Variants in SEPHS1 observed in about 807,000 individuals in gnomAD.
The protein encoded by SEPHS1 is zincore component SEPHS1.
A neutral mutation model predicts 39.2 loss-of-function variants in SEPHS1; 7 were observed. That is an observed-to-expected ratio of 0.18 (90% CI 0.10 to 0.34). The LOEUF (loss-of-function observed/expected upper bound fraction) is 0.34. SEPHS1 is among the 10% of genes least tolerant of loss of function. The pLI is 1.00. For synonymous variants in SEPHS1, 190 were observed against 195.5 expected (o/e 0.97, Z 0.23); for missense variants, 253 against 514.5 (o/e 0.49, Z 4.92).
intron 2 of SEPHS1, among the ~76,000 whole-genome samples, chr10:13,341,398 T>TC (rs1432214554): frequency 2.6e-5 from 4 of 151,966 alleles, no homozygotes; most frequent in Non-Finnish European, 5.9e-5. Flanking sequence ...ACTGACATCC[T>TC]CCATCAGAAA....
chr10:13,321,880 T>C (rs545745443), intron 8 of SEPHS1, among the ~76,000 whole-genome samples: 1 of 152,038 alleles, frequency 6.6e-6, no homozygotes, highest in Non-Finnish European at 1.5e-5. Flanking sequence ...GCCACCAAAT[T>C]AATCAGGAAA....
chr10:13,331,259 A>C (rs1036776403), intron 5 of SEPHS1, among the ~76,000 whole-genome samples: 1 of 152,192 alleles, frequency 6.6e-6, no homozygotes, highest in Non-Finnish European at 1.5e-5. Flanking sequence ...GTTGGTTCCA[A>C]GTCTTAGCTA....
chr10:13,322,965 C>G lies in SEPHS1; in HGVS notation c.834G>C (p.Leu278=). 1 of 1,614,080 alleles carries G rather than the reference C, an allele frequency of 6.2e-7. No homozygotes were observed. Among genetic ancestry groups the G allele is most frequent in the Non-Finnish European group, 8.5e-7 (1 of 1,179,982 alleles). The change falls in exon 8 of 9, where the codon CTG becomes CTC. Residue 278 remains leucine, a synonymous_variant. Coordinates refer to ENST00000327347, the MANE Select transcript of SEPHS1 (RefSeq NM_012247.5). ...GFGILGHAQN[L]AKQQRNEVSF... is the part of the protein sequence containing the mutation. ...ACACCTCGTTCCTCTGCTGCTTGGCCAGGTTCTGCGCATGGCCCAAAATCC... is the reference window on the plus strand; with the variant it reads ...ACACCTCGTTCCTCTGCTGCTTGGCGAGGTTCTGCGCATGGCCCAAAATCC...
Position 13,318,427 on chromosome 10 carries a change from A to T in SEPHS1, c.*715T>A, listed in dbSNP as rs771053681. 1 of 152,656 alleles carries T rather than the reference A, an allele frequency of 6.6e-6. No individual in the cohort carries two copies. Among genetic ancestry groups the T allele is most frequent in the Admixed American group, 6.5e-5 (1 of 15,280 alleles). 9.5% of individuals were successfully genotyped at this position (152,656 alleles called of 1,614,324 possible). A position where few individuals can be genotyped will look rare whatever the true frequency, so the allele number is the denominator to read the frequency against. Reference sequence around the variant, plus strand: ...TCCTTGTAGCACTATAGAACATCTAATAACATTGCAAAAAGTATCCTTTTT... The same window carrying T: ...TCCTTGTAGCACTATAGAACATCTATTAACATTGCAAAAAGTATCCTTTTT... On this transcript the variant is annotated 3_prime_UTR_variant, in exon 9 of 9. Transcript: ENST00000327347.
At chr10:13,331,817 C>A (rs1478941940) in intron 5 of SEPHS1, among the ~76,000 whole-genome samples, 1 of 152,216 alleles carries the variant, frequency 6.6e-6, no homozygotes, top group African/African-American at 2.4e-5. Context: ...AGTCATCAGG[C>A]AGACACAAAT....
intron 3 of SEPHS1, among the ~76,000 whole-genome samples, chr10:13,337,070 G>T (rs1166668984): frequency 6.6e-6 from 1 of 152,164 alleles, no homozygotes; most frequent in Non-Finnish European, 1.5e-5. Flanking sequence ...AGAATTGCTT[G>T]AACCTGGGAG....
At position 13,322,860 on chromosome 10, in the gene SEPHS1, C is replaced by T; in HGVS notation, c.939G>A (p.Met313Ile). The T allele has an allele frequency of 2.5e-6, 4 of 1,613,884 alleles. No homozygotes were observed. Among genetic ancestry groups the T allele is most frequent in the South Asian group, 1.1e-5 (1 of 91,072 alleles). The change falls in exon 8 of 9, where the codon ATG becomes ATA. Residue 313 changes from methionine to isoleucine, a missense_variant. By Grantham distance (10) the Met-to-Ile change is conservative. This residue lies in a region of SEPHS1 where 107 missense variants were observed against 257.1 expected (regional missense o/e 0.42). Coordinates refer to ENST00000327347, the MANE Select transcript of SEPHS1 (RefSeq NM_012247.5). ...SKACGNMFGL[M>I]HGTCPETSGG... ...CTGAAGTCTCCGGGCAGGTCCCGTG[C>T]ATGAGGCCGAACATGTTTCCGCAGG...
At position 13,333,135 on chromosome 10, in the gene SEPHS1, AT is replaced by A. The variant is rs552621122; in HGVS notation, c.560+681del. 5.5e-3 allele frequency among the ~76,000 whole-genome samples: 788 copies of A among 142,670 alleles called. 3 individuals are homozygous for A. The highest frequency in any genetic ancestry group is 0.013 in the African/African-American group (500 of 39,664). 93.6% of individuals were successfully genotyped at this position (142,670 alleles called of 152,430 possible). The stretch of plus-strand genomic sequence containing the variant: ...ACGCAAATTATATCTTAATACATCT[AT>A]TTTTTTTTTTTTTTGAGATGGAGTT... On this transcript the variant is annotated intron_variant, in intron 5 of 8. Coordinates refer to ENST00000327347, the MANE Select transcript of SEPHS1 (RefSeq NM_012247.5).
chr10:13,336,409 G>T, intron 3 of SEPHS1, 59 bp from the exon 4 acceptor site: 1 of 1,279,840 alleles, frequency 7.8e-7, no homozygotes, highest in Non-Finnish European at 1.1e-6. Flanking sequence ...TGCAGAAACT[G>T]AGTGAGCCAT....
chr10:13,341,210 C>G (rs1180440368), intron 2 of SEPHS1, among the ~76,000 whole-genome samples: 1 of 152,070 alleles, frequency 6.6e-6, no homozygotes, highest in East Asian at 1.9e-4. Context: ...CTGAGATGCC[C>G]ACAGGCCTTG....
In SEPHS1 at chr10:13,317,853, A is replaced by G. The variant is rs1211420396; in HGVS notation, c.*1289T>C. 2.6e-5 allele frequency: 4 copies of G among 152,210 alleles called. No individual in the cohort carries two copies. Among genetic ancestry groups the G allele is most frequent in the African/African-American group, 9.6e-5 (4 of 41,462 alleles). The allele number at this position is 152,210 out of a possible 1,614,324, so 9.4% of individuals were successfully genotyped here. The stretch of plus-strand genomic sequence containing the variant: ...ATCCCTCCTCATTGCTTAGTAGGTT[A>G]AAATATAAGGAAGCCTCCACTTTAC... On this transcript the variant is annotated 3_prime_UTR_variant, in exon 9 of 9. Transcript: ENST00000327347.
At chr10:13,320,111 A>T (rs1341633930) in intron 8 of SEPHS1, among the ~76,000 whole-genome samples, 1 of 152,196 alleles carries the variant, frequency 6.6e-6, no homozygotes, top group Non-Finnish European at 1.5e-5. Context: ...TGACTCTGTC[A>T]TTATATCCAA....
intron 2 of SEPHS1, among the ~76,000 whole-genome samples, chr10:13,341,460 C>T (rs1833782276): frequency 6.6e-6 from 1 of 151,906 alleles, no homozygotes; most frequent in Non-Finnish European, 1.5e-5. Flanking sequence ...GCACCGCCCC[C>T]GCCAGCAGCA....
rs914061314 is a variant in SEPHS1 at position 13,328,392 on chromosome 10, T to C, written c.710A>G (p.Tyr237Cys). The change falls in exon 7 of 9, where the codon TAC (tyrosine) becomes TGC (cysteine). Residue 237 changes from tyrosine (Y) to cysteine (C), a missense_variant. Coordinates refer to ENST00000327347, the MANE Select transcript of SEPHS1 (RefSeq NM_012247.5). ...VVTQEDVELA[Y>C]QEAMMNMARL... Reference sequence around the variant, plus strand: ...CGCCATGTTCATCATCGCCTCCTGGTAGGCCAGCTCTACATCTTCTTGGGT... The same window carrying C: ...CGCCATGTTCATCATCGCCTCCTGGCAGGCCAGCTCTACATCTTCTTGGGT... The C allele has an allele frequency of 9.3e-6, 15 of 1,613,894 alleles. No homozygotes were observed. Among genetic ancestry groups the C allele is most frequent in the Non-Finnish European group, 1.0e-5 (12 of 1,179,906 alleles).
At chr10:13,325,346 T>G (rs117140121) in intron 7 of SEPHS1, among the ~76,000 whole-genome samples, 5,319 of 152,282 alleles carry the variant, frequency 0.035, 135 homozygotes, top group East Asian at 0.082. Context: ...AAATCTCATC[T>G]CGAATTGTAA....
At chr10:13,344,035 A>G (rs904584566) in intron 2 of SEPHS1, among the ~76,000 whole-genome samples, 10 of 152,174 alleles carry the variant, frequency 6.6e-5, no homozygotes, top group African/African-American at 2.4e-4. Context: ...GGAATGTAGT[A>G]AAGAAAAAGA....
At chr10:13,333,415 G>A (rs559233421) in intron 5 of SEPHS1, among the ~76,000 whole-genome samples, 206 of 150,170 alleles carry the variant, frequency 1.4e-3, no homozygotes, top group African/African-American at 4.7e-3. Context: ...TTACAGGCAT[G>A]AGCAACCGCG....
chr10:13,328,280 T>C (rs964515628), intron 7 of SEPHS1, 71 bp downstream of exon 7: 1 of 1,061,576 alleles, frequency 9.4e-7, no homozygotes, highest in South Asian at 1.4e-5. Context: ...AGACAGTATG[T>C]GGCCAGAAAA....
At chr10:13,345,408 C>T (rs1322342073) in intron 1 of SEPHS1, 2 of 154,830 alleles carry the variant, frequency 1.3e-5, no homozygotes, top group African/African-American at 4.8e-5. Flanking sequence ...AAGCGGCGGT[C>T]CTCGCTAAGG....
Sources: allele counts gnomAD v4.1 joint callset (sites outside exome capture counted in the v4.1 genomes callset), GRCh38; gene constraint gnomAD v4.1.1; regional missense constraint gnomAD v4.1.1; transcripts MANE v1.5; gene names NCBI Gene and HGNC (gene_info 2026-07-23, HGNC 2026-07-21).